Variants in MYO5A observed in about 807,000 individuals in gnomAD.
MYO5A encodes myosin VA, also known as unconventional myosin-Va.
MYO5A carries 98 observed loss-of-function variants against 249.7 expected under a neutral mutation model. The ratio of observed to expected loss-of-function variants is 0.39; its 90% CI spans 0.33 to 0.46. The LOEUF is 0.46. Among genes scored for constraint, MYO5A ranks in the 20% least tolerant of loss-of-function variants. The pLI is 0.98. For missense variants in MYO5A, 1,696 were observed against 2,308.8 expected (o/e 0.73, Z 5.44); for synonymous variants, 778 against 810.6 (o/e 0.96, Z 0.68).
intron 33 of MYO5A, among the ~76,000 whole-genome samples, chr15:52,337,070 A>G (rs1160512410): frequency 6.6e-6 from 1 of 152,234 alleles, no homozygotes; most frequent in African/African-American, 2.4e-5. Context: ...GGGAATTAAA[A>G]GATAAGTTGA....
chr15:52,353,598 C>G lies in MYO5A; in HGVS notation c.3621+7G>C, dbSNP rs2040057516. On this transcript the variant is annotated splice_region_variant and intron_variant, in intron 27 of 41. Transcript: ENST00000399233. ...ATTCAAAGTCTTGAGCAGAAACTCC[C>G]CATTACCTTGAGTGACTCATATTCC... 1.9e-6 allele frequency: 3 copies of G among 1,613,020 alleles called. No homozygotes were observed. The East Asian group carries it at 6.7e-5, about 36-fold the overall frequency.
chr15:52,367,153 G>T, intron 22 of MYO5A, 29 bp from the exon 23 acceptor site: 1 of 1,580,820 alleles, frequency 6.3e-7, no homozygotes, highest in Non-Finnish European at 8.7e-7. Flanking sequence ...AACTGAGATG[G>T]TTGCAATGGA....
chr15:52,399,016 A>G (rs1032444450), intron 9 of MYO5A, among the ~76,000 whole-genome samples: 1 of 142,866 alleles, frequency 7.0e-6, no homozygotes, highest in South Asian at 2.2e-4. Flanking sequence ...TCTTAAAATT[A>G]AAAAAAAAAA....
intron 1 of MYO5A, among the ~76,000 whole-genome samples, chr15:52,516,862 A>G (rs1683546985): frequency 6.6e-6 from 1 of 152,216 alleles, no homozygotes; most frequent in Admixed American, 6.5e-5. Context: ...AACTAAAATT[A>G]TATCATGTAT....
chr15:52,478,726 T>G (rs577102295), intron 1 of MYO5A, among the ~76,000 whole-genome samples: 1 of 152,206 alleles, frequency 6.6e-6, no homozygotes, highest in South Asian at 2.1e-4. Flanking sequence ...AAGCGTGAGA[T>G]CACTTTTTGC....
intron 6 of MYO5A, among the ~76,000 whole-genome samples, chr15:52,409,567 G>A (rs142700437): frequency 4.1e-3 from 626 of 152,238 alleles, no homozygotes; most frequent in Middle Eastern, 6.8e-3. Flanking sequence ...ACAGACCTGG[G>A]CTATGGAAAT....
At chr15:52,316,756 G>T (rs757920112) in intron 40 of MYO5A, among the ~76,000 whole-genome samples, 3 of 152,188 alleles carry the variant, frequency 2.0e-5, no homozygotes, top group African/African-American at 7.2e-5. Context: ...TGAGAGCAGA[G>T]ACTTTGTTTT....
chr15:52,517,711 C>T (rs1438790958), intron 1 of MYO5A, among the ~76,000 whole-genome samples: 1 of 151,954 alleles, frequency 6.6e-6, no homozygotes, highest in African/African-American at 2.4e-5. Context: ...AACTCCGTCT[C>T]AAAAAATATA....
chr15:52,336,737 A>T (rs1220355938), intron 33 of MYO5A, among the ~76,000 whole-genome samples, 181 bp from the exon 34 acceptor site: 1 of 152,270 alleles, frequency 6.6e-6, no homozygotes, highest in African/African-American at 2.4e-5. Flanking sequence ...TAAAAGCCAT[A>T]TGTTAAAATA....
At chr15:52,325,061 A>T (rs1014101967) in intron 36 of MYO5A, among the ~76,000 whole-genome samples, 10 of 152,182 alleles carry the variant, frequency 6.6e-5, no homozygotes, top group Non-Finnish European at 1.5e-4. Flanking sequence ...TTAAGTGTAG[A>T]TTTGACTAAA....
chr15:52,350,606 T>C (rs1364441952), intron 28 of MYO5A, among the ~76,000 whole-genome samples: 1 of 152,150 alleles, frequency 6.6e-6, no homozygotes, highest in African/African-American at 2.4e-5. Flanking sequence ...ATCACTCAGA[T>C]TCCCTCTGGT....
chr15:52,487,076 T>C (rs1170020840), intron 1 of MYO5A, among the ~76,000 whole-genome samples: 1 of 152,202 alleles, frequency 6.6e-6, no homozygotes, highest in Middle Eastern at 3.2e-3. Context: ...AAATAGGTCA[T>C]ACGACACAAA....
chr15:52,379,604 G>T (rs9282792), intron 18 of MYO5A, 21 bp downstream of exon 18: 16 of 1,603,702 alleles, frequency 1.0e-5, no homozygotes, highest in Non-Finnish European at 1.3e-5. Flanking sequence ...CTCAGATGAC[G>T]GTAAGCGAAA....
At chr15:52,435,766 T>C (rs2075649978) in intron 1 of MYO5A, 1 of 409,110 alleles carries the variant, frequency 2.4e-6, no homozygotes, top group Non-Finnish European at 4.8e-6. Context: ...CCATTAATTA[T>C]TGGCAGCACT....
chr15:52,474,700 T>G (rs1001793932), intron 1 of MYO5A, among the ~76,000 whole-genome samples: 2 of 152,230 alleles, frequency 1.3e-5, no homozygotes, highest in Non-Finnish European at 2.9e-5. Context: ...TTTATTGATT[T>G]GAGTATGTTG....
chr15:52,361,797 A>T (rs554730473), intron 24 of MYO5A, among the ~76,000 whole-genome samples: 1 of 152,236 alleles, frequency 6.6e-6, no homozygotes, highest in African/African-American at 2.4e-5. Flanking sequence ...TTTTTCAATT[A>T]CAAGGATATA....
chr15:52,391,531 T>C (rs1045184735), intron 12 of MYO5A, among the ~76,000 whole-genome samples: 5 of 152,218 alleles, frequency 3.3e-5, no homozygotes, highest in Admixed American at 2.0e-4. Flanking sequence ...CTCTCAAATA[T>C]GTCAGTAATA....
chr15:52,359,717 C>T (rs1387348898), intron 25 of MYO5A, among the ~76,000 whole-genome samples: 1 of 151,896 alleles, frequency 6.6e-6, no homozygotes, highest in Non-Finnish European at 1.5e-5. Flanking sequence ...AAAATCTCAC[C>T]ATCAAAATTG....
At chr15:52,421,049 G>T (rs552223725) in intron 4 of MYO5A, among the ~76,000 whole-genome samples, 22 of 152,134 alleles carry the variant, frequency 1.4e-4, no homozygotes, top group Non-Finnish European at 2.8e-4. Context: ...CTCAAATATG[G>T]TAGATATTTA....
Sources: allele counts gnomAD v4.1 joint callset (sites outside exome capture counted in the v4.1 genomes callset), GRCh38; gene constraint gnomAD v4.1.1; transcripts MANE v1.5; gene names NCBI Gene and HGNC (gene_info 2026-07-23, HGNC 2026-07-21).